The following CNTN1 variants were observed in gnomAD, a reference collection of about 807,000 sequenced individuals.
CNTN1 encodes the protein contactin 1.
In CNTN1, 38 loss-of-function variants were observed where a neutral mutation model predicts 126.4. That is an observed-to-expected ratio of 0.30 (90% confidence interval 0.23 to 0.39). The LOEUF (loss-of-function observed/expected upper bound fraction) is 0.39, where lower values mean the gene tolerates loss of function less well. CNTN1 is among the 10% of genes least tolerant of loss of function. The pLI is 1.00. For synonymous variants in CNTN1, 413 were observed against 422.6 expected (o/e 0.98, Z 0.28); for missense variants, 1,009 against 1,248.4 (o/e 0.81, Z 2.89).
At chr12:40,712,161 C>G (rs1348509) in intron 1 of CNTN1, among the ~76,000 whole-genome samples, 132,460 of 152,230 alleles carry the variant, frequency 0.87, 57,771 homozygotes, top group East Asian at 1. Flanking sequence ...TTCATAAATT[C>G]TATGAATACT....
intron 3 of CNTN1, among the ~76,000 whole-genome samples, chr12:40,914,693 C>T (rs955091879): frequency 3.2e-4 from 49 of 152,018 alleles, no homozygotes; most frequent in African/African-American, 1.0e-3. Flanking sequence ...CTTGGAGATT[C>T]GCTTCTTATT....
intron 17 of CNTN1, among the ~76,000 whole-genome samples, chr12:41,003,112 T>C (rs185332350): frequency 6.6e-6 from 1 of 152,300 alleles, no homozygotes; most frequent in African/African-American, 2.4e-5. Flanking sequence ...TTTTGAGGTA[T>C]GTTCCTTCAA....
At chr12:40,891,843 T>C (rs1159142900) in intron 1 of CNTN1, among the ~76,000 whole-genome samples, 1 of 152,104 alleles carries the variant, frequency 6.6e-6, no homozygotes, top group South Asian at 2.1e-4. Context: ...GTCCTCCAGC[T>C]TTGCTCTTTT....
chr12:40,915,383 A>G (rs912723886), intron 3 of CNTN1, among the ~76,000 whole-genome samples: 4 of 152,140 alleles, frequency 2.6e-5, no homozygotes, highest in Non-Finnish European at 5.9e-5. Flanking sequence ...ATGACCCTCC[A>G]TATAATGACA....
chr12:40,896,386 A>G (rs71449786), intron 1 of CNTN1, among the ~76,000 whole-genome samples: 5,103 of 152,254 alleles, frequency 0.034, 117 homozygotes, highest in Middle Eastern at 0.12. Flanking sequence ...TATAATTCTC[A>G]GAAGTATGTA....
intron 1 of CNTN1, among the ~76,000 whole-genome samples, chr12:40,771,272 A>G (rs760758578): frequency 6.6e-6 from 1 of 152,106 alleles, no homozygotes; most frequent in African/African-American, 2.4e-5. Flanking sequence ...ACCATTTCTC[A>G]GGCTTGCAAA....
intron 1 of CNTN1, among the ~76,000 whole-genome samples, chr12:40,821,439 A>G (rs183570664): frequency 1.1e-4 from 16 of 152,312 alleles, no homozygotes; most frequent in Admixed American, 1.0e-3. Context: ...GATTATTAGA[A>G]TTACTTGTTA....
chr12:40,879,198 C>G (rs749659134), intron 1 of CNTN1, among the ~76,000 whole-genome samples: 24 of 151,996 alleles, frequency 1.6e-4, no homozygotes, highest in Non-Finnish European at 2.9e-5. Context: ...TTAAATTTAT[C>G]AAATATTATA....
chr12:40,913,946 T>G (rs1025798044), intron 3 of CNTN1, among the ~76,000 whole-genome samples: 1 of 152,196 alleles, frequency 6.6e-6, no homozygotes, highest in African/African-American at 2.4e-5. Flanking sequence ...GTATTTGCAT[T>G]AAAAGCAGAT....
At chr12:40,874,510 T>C (rs1943606451) in intron 1 of CNTN1, among the ~76,000 whole-genome samples, 1 of 152,154 alleles carries the variant, frequency 6.6e-6, no homozygotes, top group African/African-American at 2.4e-5. Flanking sequence ...AAGCAATATA[T>C]AGAAACATTT....
At chr12:41,014,188 T>C in intron 17 of CNTN1, 40 bp from the exon 18 acceptor site, 2 of 1,597,260 alleles carry the variant, frequency 1.3e-6, no homozygotes, top group Admixed American at 1.7e-5. Flanking sequence ...CAGGCCCTCT[T>C]TTTGTTGTTG....
rs570124721 is a variant in CNTN1 at position 40,937,531 on chromosome 12, A to G, written c.1111-39A>G. On this transcript the variant is annotated intron_variant, in intron 10 of 23. Transcript: ENST00000551295. ...GACCTAAGTGAAAGTATTTCTATTA[A>G]AGTTCATTGAGAATATGTTTCAATT... is the stretch of plus-strand genomic sequence containing the variant. The G allele has an allele frequency of 1.2e-5, 16 of 1,285,598 alleles. No homozygotes were observed. In the East Asian group the frequency reaches 3.0e-4, roughly 24 times the overall value. 79.6% of individuals were successfully genotyped at this position (1,285,598 alleles called of 1,614,324 possible). A position where few individuals can be genotyped will look rare whatever the true frequency, so the allele number is the denominator to read the frequency against.
chr12:40,800,001 A>G (rs772572601), intron 1 of CNTN1, among the ~76,000 whole-genome samples: 7 of 152,008 alleles, frequency 4.6e-5, no homozygotes, highest in Non-Finnish European at 8.8e-5. Flanking sequence ...ACAATTAAAT[A>G]TACTCTCTCT....
intron 1 of CNTN1, among the ~76,000 whole-genome samples, chr12:40,897,178 G>A (rs367753434): frequency 6.6e-6 from 1 of 152,164 alleles, no homozygotes; most frequent in South Asian, 2.1e-4. Context: ...TTGAGTCAGA[G>A]AGTATAGTAA....
chr12:41,068,468 T>C (rs1047941229), intron 23 of CNTN1, among the ~76,000 whole-genome samples: 5 of 152,154 alleles, frequency 3.3e-5, no homozygotes, highest in African/African-American at 9.7e-5. Flanking sequence ...TTCTAAGAAC[T>C]ACTTTATCTG....
chr12:40,931,385 T>C (rs982863176), intron 7 of CNTN1, among the ~76,000 whole-genome samples: 1 of 151,988 alleles, frequency 6.6e-6, no homozygotes, highest in Admixed American at 6.6e-5. Context: ...AATATTCTTC[T>C]TTCTTATATT....
At chr12:40,975,514 A>C (rs1188498059) in intron 15 of CNTN1, among the ~76,000 whole-genome samples, 1 of 152,014 alleles carries the variant, frequency 6.6e-6, no homozygotes, top group African/African-American at 2.4e-5. Flanking sequence ...CAAGGTAAGA[A>C]ACATAACACT....
intron 1 of CNTN1, among the ~76,000 whole-genome samples, chr12:40,728,421 A>T (rs529756500): frequency 6.6e-6 from 1 of 152,180 alleles, no homozygotes; most frequent in African/African-American, 2.4e-5. Context: ...GAGGACCTAA[A>T]AAAAGGCAAC....
chr12:40,853,740 G>C (rs1942802318), intron 1 of CNTN1, among the ~76,000 whole-genome samples: 1 of 151,780 alleles, frequency 6.6e-6, no homozygotes, highest in Non-Finnish European at 1.5e-5. Flanking sequence ...GAAGGCTATA[G>C]CTTTGATATC....
Sources: gnomAD v4.1 joint callset for allele counts (sites outside exome capture counted in the v4.1 genomes callset) on GRCh38, gnomAD v4.1.1 for gene constraint, MANE v1.5 for transcripts, NCBI Gene and HGNC (gene_info 2026-07-23, HGNC 2026-07-21) for gene names.